NUP214: variants seen among roughly 807,000 people sequenced by gnomAD.
NUP214 encodes the protein nucleoporin 214, also known as nuclear pore complex protein Nup214.
A neutral mutation model predicts 196.2 loss-of-function variants in NUP214; 79 were observed. The observed-to-expected ratio is 0.40, with a 90% CI of 0.34 to 0.49. The LOEUF (loss-of-function observed/expected upper bound fraction) is 0.49, where lower values mean the gene tolerates loss of function less well. Ranked by LOEUF, NUP214 falls within the 20% of genes least tolerant of loss-of-function variation. The probability of loss-of-function intolerance (pLI) is 0.58; values close to 1 mark genes in which losing one functional copy is unlikely to be tolerated. For synonymous variants in NUP214, 1,020 were observed against 990.5 expected, an observed-to-expected ratio of 1.03 and a Z score of -0.56; for missense variants, 2,468 against 2,539.0, an observed-to-expected ratio of 0.97 and a Z score of 0.60.
intron 30 of NUP214, among the ~76,000 whole-genome samples, chr9:131,204,216 G>C (rs1168976373): frequency 6.6e-6 from 1 of 152,210 alleles, no homozygotes; most frequent in Admixed American, 6.5e-5. Flanking sequence ...GGGGCTTACA[G>C]AGTTTAGAAG....
chr9:131,175,574 C>G lies in NUP214; in HGVS notation c.3272C>G (p.Ala1091Gly), dbSNP rs1191694286. 6.2e-7 allele frequency: 1 copy of G among 1,614,190 alleles called. No individual in the cohort carries two copies. Among genetic ancestry groups the G allele is most frequent in the Non-Finnish European group, 8.5e-7 (1 of 1,180,034 alleles). The change falls in exon 23 of 36, where the codon GCA becomes GGA. Residue 1091 changes from alanine to glycine, a missense_variant. Coordinates refer to ENST00000359428, the MANE Select transcript of NUP214 (RefSeq NM_005085.4). ...TCCCACCCCATCTCAGCCCCGCAGG[C>G]AGCTGCCGCAGCAGCACTCAGGCGG... The part of the protein sequence containing the change: ...SPSHPISAPQ[A>G]AAAAALRRQM...
At chr9:131,225,237 A>G (rs542810204) in intron 32 of NUP214, among the ~76,000 whole-genome samples, 82 of 152,076 alleles carry the variant, frequency 5.4e-4, no homozygotes, top group African/African-American at 2.0e-3. Flanking sequence ...ACATGGCAAA[A>G]ACCCGTCTCT....
chr9:131,148,494 G>T (rs1245214968), intron 14 of NUP214, among the ~76,000 whole-genome samples: 1 of 152,032 alleles, frequency 6.6e-6, no homozygotes, highest in Admixed American at 6.6e-5. Flanking sequence ...GAGATTGCTG[G>T]GTCATAGAAT....
intron 21 of NUP214, among the ~76,000 whole-genome samples, chr9:131,168,982 A>G (rs1832867958): frequency 6.7e-6 from 1 of 148,352 alleles, no homozygotes; most frequent in Non-Finnish European, 1.5e-5. Flanking sequence ...CTCTTGCTAG[A>G]TTCTAGAGGT....
At chr9:131,158,413 G>A (rs1291597212) in intron 17 of NUP214, among the ~76,000 whole-genome samples, 2 of 152,198 alleles carry the variant, frequency 1.3e-5, no homozygotes, top group Admixed American at 1.3e-4. Flanking sequence ...GAATCAAGTT[G>A]CATAGCCATG....
intron 28 of NUP214, among the ~76,000 whole-genome samples, chr9:131,196,573 C>G (rs1344086630): frequency 6.6e-6 from 1 of 152,156 alleles, no homozygotes; most frequent in Non-Finnish European, 1.5e-5. Flanking sequence ...TTGTAATGAT[C>G]TAGATTTTCC....
intron 30 of NUP214, among the ~76,000 whole-genome samples, chr9:131,209,511 C>T (rs1469639105): frequency 1.3e-5 from 2 of 151,812 alleles, no homozygotes; most frequent in Admixed American, 1.3e-4. Flanking sequence ...CCACCTCAGC[C>T]TCTCAAGTAG....
At chr9:131,223,837 C>T (rs1403830311) in intron 32 of NUP214, among the ~76,000 whole-genome samples, 1 of 147,264 alleles carries the variant, frequency 6.8e-6, no homozygotes, top group African/African-American at 2.5e-5. Context: ...TGGGTTCACG[C>T]CATTCTCCTG....
intron 21 of NUP214, chr9:131,164,471 C>G (rs1832728093): frequency 4.5e-6 from 1 of 224,230 alleles, no homozygotes; most frequent in Admixed American, 5.3e-5. Context: ...ATCCTAGCCT[C>G]TGCTTTAGCC....
chr9:131,131,919 G>A (rs1831556779), intron 5 of NUP214, among the ~76,000 whole-genome samples: 1 of 151,720 alleles, frequency 6.6e-6, no homozygotes, highest in African/African-American at 2.4e-5. Flanking sequence ...AAACTCCTGG[G>A]CTCAAGCAGT....
chr9:131,157,838 G>A (rs1415178423), intron 17 of NUP214, among the ~76,000 whole-genome samples: 3 of 151,884 alleles, frequency 2.0e-5, no homozygotes, highest in East Asian at 1.9e-4. Flanking sequence ...TAGAGATGGG[G>A]TTTCACCGTG....
intron 7 of NUP214, chr9:131,133,818 A>T (rs892705629): frequency 1.3e-5 from 2 of 152,214 alleles, no homozygotes; most frequent in Non-Finnish European, 2.9e-5. Context: ...CTTGATTTTT[A>T]AAATTATTTC....
At chr9:131,126,533 C>T (rs1303150699) in intron 1 of NUP214, 1 of 151,186 alleles carries the variant, frequency 6.6e-6, no homozygotes, top group Non-Finnish European at 1.5e-5. Flanking sequence ...CATAGTAATA[C>T]CATGTTTAGA....
chr9:131,228,469 GATTCCTGTACCTCTCCAGGGTAAGACTC>G, intron 33 of NUP214, 138 bp downstream of exon 33: 2 of 764,782 alleles, frequency 2.6e-6, no homozygotes, highest in Non-Finnish European at 1.9e-6. Context: ...CTCCCTCAAG[GATTCCTGTACCTCTCCAGGGTAAGACTC>G]ATTTCGTTCA....
intron 30 of NUP214, among the ~76,000 whole-genome samples, chr9:131,203,389 AT>A (rs1175889577): frequency 2.6e-5 from 4 of 152,320 alleles, no homozygotes; most frequent in African/African-American, 9.6e-5. Flanking sequence ...CACCGGCTGC[AT>A]TTAGATCATT....
intron 14 of NUP214, among the ~76,000 whole-genome samples, chr9:131,149,003 T>G (rs1400408156): frequency 6.6e-6 from 1 of 152,258 alleles, no homozygotes; most frequent in Non-Finnish European, 1.5e-5. Context: ...ATTTTATCTT[T>G]CATATTTAGA....
chr9:131,158,718 C>T (rs1443573242), intron 17 of NUP214, among the ~76,000 whole-genome samples: 1 of 152,112 alleles, frequency 6.6e-6, no homozygotes, highest in Non-Finnish European at 1.5e-5. Context: ...ATGGAAAATT[C>T]CCAGACCATG....
At chr9:131,148,330 T>A (rs1235825557) in intron 14 of NUP214, among the ~76,000 whole-genome samples, 1 of 152,258 alleles carries the variant, frequency 6.6e-6, no homozygotes, top group Non-Finnish European at 1.5e-5. Context: ...ATGGAATTTA[T>A]TGTGTGATTA....
At position 131,197,371 on chromosome 9, in the gene NUP214, A is replaced by G. The variant is rs754820095; in HGVS notation, c.3877A>G (p.Ser1293Gly). ...CCCAGGAGAACCTGCCGCATCTAGC[A>G]GCAGACCTGTGGCACCTTCTGGAAC... ...TTPGEPAASS[S>G]RPVAPSGTAL... Residue 1293 changes from serine (S) to glycine (G), a missense_variant, in exon 29 of 36, where the codon AGC becomes GGC. Coordinates refer to ENST00000359428, the MANE Select transcript of NUP214 (RefSeq NM_005085.4). 6 of 1,614,070 alleles carry G rather than the reference A, an allele frequency of 3.7e-6. No individual in the cohort carries two copies. Among genetic ancestry groups the G allele is most frequent in the Non-Finnish European group, 1.7e-6 (2 of 1,180,032 alleles).
Sources: gnomAD v4.1 joint callset for allele counts (sites outside exome capture counted in the v4.1 genomes callset) on GRCh38, gnomAD v4.1.1 for gene constraint, MANE v1.5 for transcripts, NCBI Gene and HGNC (gene_info 2026-07-23, HGNC 2026-07-21) for gene names.